The following XKR6 variants were observed in gnomAD, a reference collection of about 807,000 sequenced individuals.
XKR6 encodes the protein XK-related protein 6.
A neutral mutation model predicts 56.7 loss-of-function variants in XKR6; 22 were observed. The observed-to-expected ratio is 0.39, with a 90% CI of 0.28 to 0.55. The LOEUF (loss-of-function observed/expected upper bound fraction) is 0.55, where lower values mean the gene tolerates loss of function less well. XKR6 is among the 20% of genes least tolerant of loss of function. The pLI is 0.66. For missense variants in XKR6, 852 were observed against 889.0 expected (o/e 0.96, Z 0.53); for synonymous variants, 524 against 387.8 (o/e 1.35, Z -4.13).
chr8:11,082,288 C>T (rs548377829), intron 1 of XKR6, among the ~76,000 whole-genome samples: 67 of 152,342 alleles, frequency 4.4e-4, no homozygotes, highest in Middle Eastern at 3.4e-3. Context: ...CCAAAGTCTA[C>T]GTGGGGCTCA....
intron 1 of XKR6, among the ~76,000 whole-genome samples, chr8:11,036,819 G>A (rs1408741278): frequency 6.6e-6 from 1 of 152,194 alleles, no homozygotes; most frequent in Non-Finnish European, 1.5e-5. Context: ...ACAGACTTAG[G>A]TCACGCTTTC....
chr8:11,070,423 G>T (rs1416284420), intron 1 of XKR6, among the ~76,000 whole-genome samples: 1 of 152,158 alleles, frequency 6.6e-6, no homozygotes, highest in African/African-American at 2.4e-5. Context: ...AAACTTTGAG[G>T]GTTTAGGACC....
intron 1 of XKR6, among the ~76,000 whole-genome samples, chr8:11,160,559 G>T (rs1038262980): frequency 6.6e-6 from 1 of 152,144 alleles, no homozygotes; most frequent in Non-Finnish European, 1.5e-5. Context: ...CAGATAAAGC[G>T]AGGAAAGGCA....
At chr8:11,147,383 C>T (rs970402373) in intron 1 of XKR6, among the ~76,000 whole-genome samples, 5 of 152,172 alleles carry the variant, frequency 3.3e-5, no homozygotes, top group East Asian at 1.9e-4. Context: ...ATATGGATGG[C>T]GGCCAGGCGC....
chr8:10,967,284 G>T (rs918643073), intron 1 of XKR6, among the ~76,000 whole-genome samples: 2 of 152,318 alleles, frequency 1.3e-5, no homozygotes, highest in African/African-American at 4.8e-5. Context: ...GCAACTGTGG[G>T]ATCCAGTGAG....
chr8:11,091,210 C>T (rs920812468), intron 1 of XKR6, among the ~76,000 whole-genome samples: 4 of 152,116 alleles, frequency 2.6e-5, no homozygotes, highest in Non-Finnish European at 5.9e-5. Context: ...GTGGGAGGAT[C>T]GCTTGAGTCC....
At chr8:10,923,430 C>CA (rs1800783374) in intron 2 of XKR6, among the ~76,000 whole-genome samples, 1 of 152,222 alleles carries the variant, frequency 6.6e-6, no homozygotes, top group Non-Finnish European at 1.5e-5. Flanking sequence ...TTGTATAGGA[C>CA]AGGCGAGCCT....
chr8:11,013,095 G>A (rs4320511), intron 1 of XKR6, among the ~76,000 whole-genome samples: 71,425 of 152,026 alleles, frequency 0.47, 21,258 homozygotes, highest in African/African-American at 0.84. Context: ...GCCAAGCTCA[G>A]ATGAGAACAG....
At chr8:11,004,147 C>G (rs1397971926) in intron 1 of XKR6, among the ~76,000 whole-genome samples, 1 of 152,106 alleles carries the variant, frequency 6.6e-6, no homozygotes, top group Non-Finnish European at 1.5e-5. Flanking sequence ...GAGTCTTGGG[C>G]TGGGGCAGTG....
rs546709093 is a variant in XKR6, at chr8:10,925,657, G to T, written c.765-827C>A. ...GCAGGCCTGACTCATCACTTGCTAA[G>T]TGGGGGATCTTGAACTAGTTATTCC... On this transcript the variant is annotated intron_variant, in intron 1 of 2. Coordinates refer to ENST00000416569, the MANE Select transcript of XKR6 (RefSeq NM_173683.4). 8.5e-5 allele frequency among the ~76,000 whole-genome samples: 13 copies of T among 152,362 alleles called. No individual in the cohort carries two copies. In the South Asian group the frequency reaches 2.7e-3, roughly 32 times the overall value.
chr8:10,997,648 G>A (rs11785788), intron 1 of XKR6, among the ~76,000 whole-genome samples: 28,462 of 152,160 alleles, frequency 0.19, 3,033 homozygotes, highest in South Asian at 0.27. Context: ...CAGGAGGCGT[G>A]TGGAAATGCA....
At chr8:11,142,101 A>T (rs1800732838) in intron 1 of XKR6, among the ~76,000 whole-genome samples, 1 of 152,156 alleles carries the variant, frequency 6.6e-6, no homozygotes, top group Non-Finnish European at 1.5e-5. Context: ...GTATGAACTC[A>T]AGATGTTTTA....
chr8:11,058,432 C>G (rs752782425), intron 1 of XKR6, among the ~76,000 whole-genome samples: 35 of 152,146 alleles, frequency 2.3e-4, no homozygotes, highest in Admixed American at 2.2e-3. Flanking sequence ...GTAAATGAAC[C>G]AACCCAAATG....
chr8:11,125,967 G>A (rs1799763224), intron 1 of XKR6: 1 of 152,122 alleles, frequency 6.6e-6, no homozygotes, highest in Admixed American at 6.5e-5. Context: ...CAAACTTGAT[G>A]GAAACTCTAA....
chr8:10,938,957 G>A (rs1443933689), intron 1 of XKR6, among the ~76,000 whole-genome samples: 3 of 152,158 alleles, frequency 2.0e-5, no homozygotes, highest in African/African-American at 7.2e-5. Flanking sequence ...TCCCATTAGA[G>A]GCCCATAAAA....
intron 1 of XKR6, among the ~76,000 whole-genome samples, chr8:11,002,678 G>C (rs1262873654): frequency 6.6e-6 from 1 of 152,216 alleles, no homozygotes; most frequent in Non-Finnish European, 1.5e-5. Flanking sequence ...CCATGGGATG[G>C]CCCAGGCCCA....
intron 1 of XKR6, among the ~76,000 whole-genome samples, chr8:11,144,598 G>C (rs1800883718): frequency 6.6e-6 from 1 of 151,986 alleles, no homozygotes; most frequent in Admixed American, 6.6e-5. Flanking sequence ...TCCTGCAGCA[G>C]TTACCTGTGG....
intron 1 of XKR6, among the ~76,000 whole-genome samples, chr8:10,972,270 G>A (rs947603511): frequency 3.9e-5 from 6 of 152,160 alleles, no homozygotes; most frequent in Admixed American, 6.5e-5. Flanking sequence ...TGAAATTCGG[G>A]GTTTGATGTC....
At chr8:11,001,878 C>A (rs894568059) in intron 1 of XKR6, among the ~76,000 whole-genome samples, 4 of 152,114 alleles carry the variant, frequency 2.6e-5, no homozygotes, top group Admixed American at 2.0e-4. Flanking sequence ...CCTGGAGAGA[C>A]CTTGGAGAGC....
Sources: gnomAD v4.1 joint callset for allele counts (sites outside exome capture counted in the v4.1 genomes callset) on GRCh38, gnomAD v4.1.1 for gene constraint, MANE v1.5 for transcripts, NCBI Gene and HGNC (gene_info 2026-07-23, HGNC 2026-07-21) for gene names.